RERE: variants seen among roughly 807,000 people sequenced by gnomAD.
RERE encodes arginine-glutamic acid dipeptide repeats protein.
RERE carries 40 observed loss-of-function variants against 146.1 expected under a neutral mutation model. The observed-to-expected ratio is 0.27, with a 90% CI of 0.21 to 0.36. The LOEUF is 0.36. Among genes scored for constraint, RERE ranks in the 10% least tolerant of loss-of-function variants. RERE has a pLI of 1.00. For missense variants in RERE, 1,933 were observed against 2,138.7 expected (o/e 0.90, Z 1.90); for synonymous variants, 1,003 against 866.0 (o/e 1.16, Z -2.78).
At chr1:8,491,141 A>G (rs909049503) in intron 10 of RERE, among the ~76,000 whole-genome samples, 3 of 150,706 alleles carry the variant, frequency 2.0e-5, no homozygotes, top group Non-Finnish European at 2.9e-5. Flanking sequence ...CATCTCTGCA[A>G]GTAAAAATAA....
At chr1:8,665,539 T>C (rs1638550794) in intron 1 of RERE, among the ~76,000 whole-genome samples, 4 of 152,236 alleles carry the variant, frequency 2.6e-5, no homozygotes, top group Admixed American at 2.6e-4. Context: ...GGTACTTGAT[T>C]TGGTTCATAA....
At chr1:8,702,906 T>C (rs1430026995) in intron 1 of RERE, 1 of 152,054 alleles carries the variant, frequency 6.6e-6, no homozygotes, top group Non-Finnish European at 1.5e-5. Flanking sequence ...TGGAAAGCCA[T>C]CATCATTCTT....
At chr1:8,369,109 G>C (rs1641928162) in intron 12 of RERE, among the ~76,000 whole-genome samples, 1 of 152,154 alleles carries the variant, frequency 6.6e-6, no homozygotes, top group Admixed American at 6.5e-5. Context: ...GCTGAGACAA[G>C]AGGATCACTT....
intron 1 of RERE, among the ~76,000 whole-genome samples, chr1:8,732,195 A>C (rs371740834): frequency 6.6e-5 from 10 of 152,236 alleles, no homozygotes; most frequent in African/African-American, 9.6e-5. Flanking sequence ...CCATACAAAA[A>C]TCTGCACAAA....
intron 1 of RERE, among the ~76,000 whole-genome samples, chr1:8,683,500 TC>T (rs1639020423): frequency 6.6e-6 from 1 of 152,040 alleles, no homozygotes; most frequent in African/African-American, 2.4e-5. Context: ...CTACAACCCA[TC>T]CACTGTAGAC....
chr1:8,731,106 T>A (rs919194464), intron 1 of RERE, among the ~76,000 whole-genome samples: 1 of 152,190 alleles, frequency 6.6e-6, no homozygotes, highest in Admixed American at 6.5e-5. Flanking sequence ...AAAAGCTACA[T>A]GAACCAGTAA....
intron 4 of RERE, among the ~76,000 whole-genome samples, chr1:8,614,090 C>T (rs941305103): frequency 6.6e-6 from 1 of 152,162 alleles, no homozygotes; most frequent in African/African-American, 2.4e-5. Context: ...GCATATTCTG[C>T]ATCTAGCACT....
chr1:8,480,209 G>A (rs1360862635), intron 10 of RERE, among the ~76,000 whole-genome samples: 1 of 141,964 alleles, frequency 7.0e-6, no homozygotes, highest in East Asian at 2.0e-4. Context: ...ATGTCATCTC[G>A]GCTCACTGCA....
intron 1 of RERE, among the ~76,000 whole-genome samples, chr1:8,741,307 A>G (rs976525146): frequency 6.6e-6 from 1 of 152,218 alleles, no homozygotes; most frequent in Non-Finnish European, 1.5e-5. Flanking sequence ...ACTGAATCCC[A>G]AAGAGTTAGC....
intron 4 of RERE, among the ~76,000 whole-genome samples, chr1:8,592,792 C>T (rs765757266): frequency 2.0e-5 from 3 of 152,064 alleles, no homozygotes; most frequent in Non-Finnish European, 4.4e-5. Flanking sequence ...ATCATATTTG[C>T]GTGGAGATAA....
At chr1:8,408,438 C>T (rs547896001) in intron 12 of RERE, among the ~76,000 whole-genome samples, 1 of 152,278 alleles carries the variant, frequency 6.6e-6, no homozygotes, top group East Asian at 1.9e-4. Context: ...CCCTGCTGTA[C>T]AACCAAAATT....
intron 4 of RERE, among the ~76,000 whole-genome samples, chr1:8,601,770 CACACACAAACACACACACAG>C (rs1429570036): frequency 2.1e-5 from 3 of 145,516 alleles, no homozygotes; most frequent in Non-Finnish European, 4.6e-5. Flanking sequence ...CACACACACA[CACACACAAACACACACACAG>C]ACACACATCT....
intron 1 of RERE, among the ~76,000 whole-genome samples, chr1:8,800,270 A>AAT (rs1461584520): frequency 1.3e-5 from 2 of 151,838 alleles, no homozygotes; most frequent in African/African-American, 2.4e-5. Flanking sequence ...AAAAAAAAAA[A>AAT]AATACATAAA....
At chr1:8,575,658 G>C (rs1191818375) in intron 4 of RERE, among the ~76,000 whole-genome samples, 2 of 149,918 alleles carry the variant, frequency 1.3e-5, no homozygotes, top group South Asian at 2.1e-4. Flanking sequence ...GCCTCCAAAA[G>C]TGCTGGGATT....
At chr1:8,672,079 C>A (rs1222358727) in intron 1 of RERE, among the ~76,000 whole-genome samples, 2 of 152,026 alleles carry the variant, frequency 1.3e-5, no homozygotes, top group African/African-American at 2.4e-5. Context: ...GAGTTTGAGA[C>A]CAGCGTGGGC....
At chr1:8,773,267 ATC>A (rs1339396277) in intron 1 of RERE, among the ~76,000 whole-genome samples, 2 of 152,226 alleles carry the variant, frequency 1.3e-5, no homozygotes, top group Non-Finnish European at 2.9e-5. Flanking sequence ...AAGTCAAAAC[ATC>A]TGTCTAAATA....
At chr1:8,483,439 T>C (rs756646277) in intron 10 of RERE, among the ~76,000 whole-genome samples, 30 of 152,160 alleles carry the variant, frequency 2.0e-4, no homozygotes, top group Admixed American at 7.2e-4. Flanking sequence ...CCATTTATAA[T>C]GAACAAACAA....
chr1:8,647,653 G>A lies in RERE; in HGVS notation c.325+8320C>T, dbSNP rs905299925. On this transcript the variant is annotated intron_variant, in intron 2 of 22. Transcript: ENST00000400908. ...ATTTAAAATATGTATGTGTGTGTGTGTGTGTGTGTGTGTGTGTGTGTGTGT... is the reference window on the plus strand; with the variant it reads ...ATTTAAAATATGTATGTGTGTGTGTATGTGTGTGTGTGTGTGTGTGTGTGT... 2.3e-4 allele frequency among the ~76,000 whole-genome samples: 35 copies of A among 150,624 alleles called. 1 individual carries two copies. The South Asian group carries it at 5.8e-3, about 25-fold the overall frequency.
intron 4 of RERE, among the ~76,000 whole-genome samples, chr1:8,589,577 C>CT (rs1313220277): frequency 6.6e-6 from 1 of 152,186 alleles, no homozygotes; most frequent in East Asian, 1.9e-4. Flanking sequence ...GAATATCTAA[C>CT]TAAGTGCTAG....
Sources: gnomAD v4.1 joint callset for allele counts (sites outside exome capture counted in the v4.1 genomes callset) on GRCh38, gnomAD v4.1.1 for gene constraint, MANE v1.5 for transcripts, NCBI Gene and HGNC (gene_info 2026-07-23, HGNC 2026-07-21) for gene names.